SGCZ: variants seen among roughly 807,000 people sequenced by gnomAD.
SGCZ encodes the protein sarcoglycan zeta, also known as zeta-sarcoglycan.
Under a neutral mutation model 41.3 loss-of-function variants are expected in SGCZ, and 40 were observed. The ratio of observed to expected loss-of-function variants is 0.97; its 90% confidence interval spans 0.75 to 1.26. The LOEUF (loss-of-function observed/expected upper bound fraction) is 1.26, where lower values mean the gene tolerates loss of function less well. SGCZ is among the 50% of genes most tolerant of loss of function. The probability of loss-of-function intolerance (pLI) is 0.00; values close to 1 mark genes in which losing one functional copy is unlikely to be tolerated. For missense variants in SGCZ, 552 were observed against 369.8 expected, an observed-to-expected ratio of 1.49 and a Z score of -4.04; for synonymous variants, 206 against 137.5, an observed-to-expected ratio of 1.50 and a Z score of -3.49.
intron 2 of SGCZ, among the ~76,000 whole-genome samples, chr8:14,428,272 A>G (rs933001390): frequency 1.3e-5 from 2 of 151,812 alleles, no homozygotes; most frequent in Non-Finnish European, 2.9e-5. Context: ...ATATTAATAT[A>G]ATAAACGTTC....
At chr8:15,060,034 T>G (rs567929845) in intron 1 of SGCZ, among the ~76,000 whole-genome samples, 1 of 152,172 alleles carries the variant, frequency 6.6e-6, no homozygotes. Flanking sequence ...AGGGCTTTGT[T>G]TGCAGCAAGC....
chr8:15,225,968 T>C (rs1009923088), intron 1 of SGCZ, among the ~76,000 whole-genome samples: 2 of 145,158 alleles, frequency 1.4e-5, no homozygotes, highest in Admixed American at 1.4e-4. Context: ...TTACTCTTAC[T>C]AGTCCACATT....
At chr8:15,119,405 C>T (rs1807394454) in intron 1 of SGCZ, among the ~76,000 whole-genome samples, 1 of 151,830 alleles carries the variant, frequency 6.6e-6, no homozygotes, top group Non-Finnish European at 1.5e-5. Context: ...TGGTCCAGGC[C>T]TGTGGTCCCA....
intron 1 of SGCZ, among the ~76,000 whole-genome samples, chr8:14,808,521 C>A (rs1405881515): frequency 1.3e-5 from 2 of 152,216 alleles, no homozygotes; most frequent in South Asian, 4.1e-4. Context: ...AAATCAAAAC[C>A]ACAATGAGAT....
chr8:14,200,140 G>C (rs1442298856), intron 4 of SGCZ, among the ~76,000 whole-genome samples: 3 of 152,226 alleles, frequency 2.0e-5, no homozygotes, highest in Admixed American at 6.5e-5. Flanking sequence ...AATTACTTCA[G>C]TTTAAATGAA....
intron 5 of SGCZ, among the ~76,000 whole-genome samples, chr8:14,126,538 G>C (rs532405130): frequency 1.4e-4 from 21 of 152,160 alleles, no homozygotes; most frequent in Non-Finnish European, 2.1e-4. Context: ...CCACTGTTGG[G>C]AATGAAAATT....
chr8:14,473,667 G>A (rs560204997), intron 2 of SGCZ, among the ~76,000 whole-genome samples: 2 of 152,118 alleles, frequency 1.3e-5, no homozygotes, highest in Non-Finnish European at 2.9e-5. Context: ...GCCGGGCGAG[G>A]TGTCTCAAGC....
intron 1 of SGCZ, among the ~76,000 whole-genome samples, chr8:14,796,871 G>A (rs571711345): frequency 3.3e-5 from 5 of 152,168 alleles, no homozygotes; most frequent in African/African-American, 1.2e-4. Flanking sequence ...CACAAGATCT[G>A]ATGGTTTTAT....
intron 3 of SGCZ, among the ~76,000 whole-genome samples, chr8:14,239,237 G>T (rs1393146243): frequency 1.0e-5 from 1 of 97,052 alleles, no homozygotes; most frequent in Non-Finnish European, 2.0e-5. Flanking sequence ...AAAGATGATG[G>T]TTCATACATG....
intron 3 of SGCZ, among the ~76,000 whole-genome samples, chr8:14,246,739 C>G (rs1168613385): frequency 2.0e-5 from 3 of 151,582 alleles, no homozygotes; most frequent in Admixed American, 1.3e-4. Flanking sequence ...AACTCCGTCT[C>G]TACTAAAAAT....
intron 1 of SGCZ, among the ~76,000 whole-genome samples, chr8:14,863,749 G>C (rs1228088328): frequency 2.0e-5 from 3 of 152,156 alleles, no homozygotes; most frequent in Non-Finnish European, 4.4e-5. Context: ...TCAGAATGGA[G>C]TTACTGCCTA....
chr8:14,484,202 T>C (rs1239043109), intron 2 of SGCZ, among the ~76,000 whole-genome samples: 1 of 152,184 alleles, frequency 6.6e-6, no homozygotes, highest in African/African-American at 2.4e-5. Context: ...CAATGACGTT[T>C]GGATGTGGAA....
chr8:14,815,434 C>A (rs1334270444), intron 1 of SGCZ, among the ~76,000 whole-genome samples: 3 of 150,542 alleles, frequency 2.0e-5, no homozygotes, highest in African/African-American at 7.3e-5. Context: ...ACAAAAGGGA[C>A]TAGATGGATG....
At chr8:15,160,726 A>G (rs1799486628) in intron 1 of SGCZ, among the ~76,000 whole-genome samples, 1 of 152,142 alleles carries the variant, frequency 6.6e-6, no homozygotes, top group East Asian at 1.9e-4. Context: ...TAACTTTCCG[A>G]TCTTCCCCAT....
intron 1 of SGCZ, among the ~76,000 whole-genome samples, chr8:14,819,135 A>AC (rs1398081230): frequency 6.6e-6 from 1 of 151,918 alleles, no homozygotes; most frequent in Non-Finnish European, 1.5e-5. Flanking sequence ...GAATTCTAAA[A>AC]AAAAAAAAGT....
chr8:15,234,094 C>G (rs879699335), intron 1 of SGCZ, among the ~76,000 whole-genome samples: 5 of 152,140 alleles, frequency 3.3e-5, no homozygotes, highest in Admixed American at 1.3e-4. Flanking sequence ...GCCTCAATGT[C>G]TCCTATGAGT....
intron 1 of SGCZ, among the ~76,000 whole-genome samples, chr8:14,849,018 T>C (rs996170370): frequency 6.6e-6 from 1 of 152,076 alleles, no homozygotes; most frequent in Non-Finnish European, 1.5e-5. Context: ...TTTAGTAAAA[T>C]ATGTGAACAG....
At chr8:15,089,969 G>A (rs775940261) in intron 1 of SGCZ, among the ~76,000 whole-genome samples, 3 of 152,106 alleles carry the variant, frequency 2.0e-5, no homozygotes, top group South Asian at 2.1e-4. Context: ...GAGATAATAC[G>A]GTTATCAGAT....
intron 1 of SGCZ, among the ~76,000 whole-genome samples, chr8:14,809,620 A>G (rs759500204): frequency 6.6e-6 from 1 of 152,182 alleles, no homozygotes; most frequent in Non-Finnish European, 1.5e-5. Flanking sequence ...AACAAATACT[A>G]GACCCTCAAT....
Sources: gnomAD v4.1 joint callset for allele counts (sites outside exome capture counted in the v4.1 genomes callset) on GRCh38, gnomAD v4.1.1 for gene constraint, MANE v1.5 for transcripts, NCBI Gene and HGNC (gene_info 2026-07-23, HGNC 2026-07-21) for gene names.